Variants in CEP57 observed in about 807,000 individuals in gnomAD.
The protein encoded by CEP57 is centrosomal protein 57.
In CEP57, 40 loss-of-function variants were observed where a neutral mutation model predicts 68.0. That is an observed-to-expected ratio of 0.59 (90% CI 0.46 to 0.77). The LOEUF is 0.77. Ranked by LOEUF, CEP57 falls within the 30% of genes least tolerant of loss-of-function variation. CEP57 has a pLI of 0.00. For synonymous variants in CEP57, 219 were observed against 198.7 expected (o/e 1.10, Z -0.86); for missense variants, 606 against 580.7 (o/e 1.04, Z -0.45).
chr11:95,818,287 CTGTAA>C (rs1862386106), intron 5 of CEP57, among the ~76,000 whole-genome samples: 1 of 151,600 alleles, frequency 6.6e-6, no homozygotes, highest in South Asian at 2.1e-4. Flanking sequence ...TGGCGCATGC[CTGTAA>C]TCGCAGCTGC....
chr11:95,828,548 T>C (rs866954526), intron 9 of CEP57, among the ~76,000 whole-genome samples: 16 of 152,160 alleles, frequency 1.1e-4, no homozygotes, highest in Non-Finnish European at 5.9e-5. Context: ...GGTCTGTTGT[T>C]TACTACATCA....
chr11:95,830,174 A>G (rs1235750321), intron 10 of CEP57, among the ~76,000 whole-genome samples: 2 of 152,190 alleles, frequency 1.3e-5, no homozygotes, highest in Non-Finnish European at 2.9e-5. Context: ...GTATATTCTC[A>G]TATTATAGAT....
chr11:95,809,553 C>G (rs1001389112), intron 2 of CEP57, among the ~76,000 whole-genome samples: 4 of 152,198 alleles, frequency 2.6e-5, no homozygotes, highest in Admixed American at 6.5e-5. Flanking sequence ...AGACTACCAT[C>G]AGCGAATACT....
chr11:95,805,324 T>G (rs949524659), intron 2 of CEP57, among the ~76,000 whole-genome samples: 1 of 152,224 alleles, frequency 6.6e-6, no homozygotes, highest in African/African-American at 2.4e-5. Context: ...ATCTTATATT[T>G]AGGCTTCTGT....
chr11:95,795,466 G>C (rs866378090), intron 1 of CEP57: 30 of 434,100 alleles, frequency 6.9e-5, no homozygotes, highest in African/African-American at 6.0e-4. Context: ...ACGAAATTGG[G>C]ATTCTTCCTT....
chr11:95,799,397 G>A lies in CEP57; in HGVS notation c.202+9G>A, dbSNP rs772892617. The A allele has an allele frequency of 6.2e-7, 1 of 1,613,734 alleles. No homozygotes were observed. The highest frequency in any genetic ancestry group is 1.7e-5 in the Admixed American group (1 of 60,002). On this transcript the variant is annotated intron_variant, in intron 2 of 10. Coordinates refer to ENST00000325542, the MANE Select transcript of CEP57 (RefSeq NM_014679.5). Reference sequence around the variant, plus strand: ...AGAAAGCAACAGCAGAGGTAATCGAGCCTAACGAAATAAATGTTATTTGTG... The same window carrying A: ...AGAAAGCAACAGCAGAGGTAATCGAACCTAACGAAATAAATGTTATTTGTG...
chr11:95,799,007 T>C (rs1402335116), intron 1 of CEP57, among the ~76,000 whole-genome samples: 3 of 152,248 alleles, frequency 2.0e-5, no homozygotes, highest in Admixed American at 6.5e-5. Flanking sequence ...ATTCAAGTTG[T>C]ATGAACATTA....
chr11:95,810,355 A>G (rs61903290), intron 2 of CEP57, among the ~76,000 whole-genome samples: 9,917 of 152,226 alleles, frequency 0.065, 407 homozygotes, highest in Middle Eastern at 0.13. Context: ...GGCCAGGGCA[A>G]TCAGGCAGGA....
intron 1 of CEP57, among the ~76,000 whole-genome samples, chr11:95,795,714 C>A (rs1861313171): frequency 6.6e-6 from 1 of 152,070 alleles, no homozygotes; most frequent in Admixed American, 6.6e-5. Context: ...TTATTGAATG[C>A]TTTTCTACAT....
intron 1 of CEP57, among the ~76,000 whole-genome samples, chr11:95,796,585 C>A (rs2135248846): frequency 6.6e-6 from 1 of 152,288 alleles, no homozygotes; most frequent in South Asian, 2.1e-4. Context: ...AGTTAATATT[C>A]AACAGATTTA....
chr11:95,823,657 T>C (rs1206387484), intron 8 of CEP57, among the ~76,000 whole-genome samples: 1 of 152,192 alleles, frequency 6.6e-6, no homozygotes, highest in Non-Finnish European at 1.5e-5. Context: ...TATGAAATCA[T>C]AACTGTATAA....
chr11:95,819,035 A>G (rs1862417863), intron 6 of CEP57, 131 bp downstream of exon 6: 1 of 717,668 alleles, frequency 1.4e-6, no homozygotes, highest in Non-Finnish European at 2.4e-6. Flanking sequence ...TTTCAGATAT[A>G]GGTTAATGTA....
chr11:95,828,156 C>A, intron 9 of CEP57, 129 bp downstream of exon 9: 1 of 1,038,130 alleles, frequency 9.6e-7, no homozygotes, highest in East Asian at 2.6e-5. Context: ...CTTATACCAA[C>A]CAAGTTACTG....
chr11:95,802,789 T>C (rs1447400357), intron 2 of CEP57, among the ~76,000 whole-genome samples: 1 of 152,232 alleles, frequency 6.6e-6, no homozygotes, highest in African/African-American at 2.4e-5. Context: ...AGTGTTGACC[T>C]CACAGGCCCT....
intron 8 of CEP57, chr11:95,823,320 A>G (rs1219995077): frequency 6.6e-6 from 1 of 152,146 alleles, no homozygotes; most frequent in Non-Finnish European, 1.5e-5. Context: ...GGTACAGTTG[A>G]CCCTTGAACA....
At chr11:95,816,163 TG>T (rs1486229638) in intron 4 of CEP57, among the ~76,000 whole-genome samples, 2 of 152,114 alleles carry the variant, frequency 1.3e-5, no homozygotes, top group Non-Finnish European at 1.5e-5. Context: ...ACACTTATGG[TG>T]GAAGGGGAAG....
At chr11:95,827,673 T>C in intron 8 of CEP57, 113 bp from the exon 9 acceptor site, 1 of 1,188,088 alleles carries the variant, frequency 8.4e-7, no homozygotes, top group Middle Eastern at 2.6e-4. Context: ...ATTTTAGGAT[T>C]TATATACTCT....
intron 2 of CEP57, among the ~76,000 whole-genome samples, chr11:95,807,815 A>T (rs544001087): frequency 6.6e-6 from 1 of 152,246 alleles, no homozygotes; most frequent in Non-Finnish European, 1.5e-5. Flanking sequence ...ATCCAGGACA[A>T]CTTCCCCAAT....
chr11:95,794,509 C>A (rs1861248834), intron 1 of CEP57: 1 of 365,824 alleles, frequency 2.7e-6, no homozygotes, highest in African/African-American at 2.1e-5. Flanking sequence ...ATCCTATTTT[C>A]TGATTTGTGC....
Sources: allele counts gnomAD v4.1 joint callset (sites outside exome capture counted in the v4.1 genomes callset), GRCh38; gene constraint gnomAD v4.1.1; transcripts MANE v1.5; gene names NCBI Gene and HGNC (gene_info 2026-07-23, HGNC 2026-07-21).